Variants in CTNNA3 observed in about 807,000 individuals in gnomAD.
The protein encoded by CTNNA3 is catenin alpha-3.
Under a neutral mutation model 95.7 loss-of-function variants are expected in CTNNA3, and 76 were observed. The observed-to-expected ratio is 0.79, with a 90% confidence interval of 0.66 to 0.96. The LOEUF is 0.96. CTNNA3 is among the 40% of genes least tolerant of loss of function. The pLI, the probability that CTNNA3 is intolerant of heterozygous loss-of-function variation, is 0.00. For missense variants in CTNNA3, 1,191 were observed against 1,089.8 expected, an observed-to-expected ratio of 1.09 and a Z score of -1.31; for synonymous variants, 431 against 374.4, an observed-to-expected ratio of 1.15 and a Z score of -1.74.
chr10:66,114,708 G>A (rs747479651), intron 13 of CTNNA3, among the ~76,000 whole-genome samples: 8 of 151,322 alleles, frequency 5.3e-5, no homozygotes, highest in Admixed American at 3.3e-4. Flanking sequence ...GTGAAACCCC[G>A]TCTCTACTAA....
intron 13 of CTNNA3, among the ~76,000 whole-genome samples, chr10:66,258,335 G>A (rs116960814): frequency 2.2e-3 from 332 of 152,248 alleles, no homozygotes; most frequent in Middle Eastern, 0.01. Flanking sequence ...CCTCTCTAGC[G>A]CTCCTGAAGA....
chr10:66,219,545 C>T (rs1439726912), intron 13 of CTNNA3, among the ~76,000 whole-genome samples: 1 of 152,098 alleles, frequency 6.6e-6, no homozygotes, highest in Non-Finnish European at 1.5e-5. Context: ...AAGTAGCCCA[C>T]ATGGTGAAAA....
intron 11 of CTNNA3, among the ~76,000 whole-genome samples, chr10:66,499,031 A>G (rs538410624): frequency 6.6e-6 from 1 of 152,294 alleles, no homozygotes; most frequent in African/African-American, 2.4e-5. Flanking sequence ...AAGCACTGCA[A>G]TGAAGTAAAA....
chr10:67,239,058 G>A (rs1175014601), intron 5 of CTNNA3, among the ~76,000 whole-genome samples: 1 of 152,132 alleles, frequency 6.6e-6, no homozygotes, highest in African/African-American at 2.4e-5. Context: ...ATAAATTTAT[G>A]CATGGCAATG....
intron 7 of CTNNA3, among the ~76,000 whole-genome samples, chr10:67,069,436 T>C (rs1466938490): frequency 6.6e-6 from 1 of 152,102 alleles, no homozygotes; most frequent in Non-Finnish European, 1.5e-5. Context: ...GTTTTTGAAG[T>C]ATAAGATTTT....
At chr10:67,678,188 A>G (rs1255273863) in intron 1 of CTNNA3, among the ~76,000 whole-genome samples, 1 of 152,184 alleles carries the variant, frequency 6.6e-6, no homozygotes, top group Non-Finnish European at 1.5e-5. Context: ...GATGTAAGGG[A>G]AAATTATCAC....
chr10:66,690,022 CA>C, intron 9 of CTNNA3, among the ~76,000 whole-genome samples: 1 of 151,980 alleles, frequency 6.6e-6, no homozygotes, highest in Non-Finnish European at 1.5e-5. Context: ...CTGCAGAGAA[CA>C]AAAGGACAAA....
At chr10:67,348,129 A>G (rs1186036902) in intron 5 of CTNNA3, among the ~76,000 whole-genome samples, 3 of 152,178 alleles carry the variant, frequency 2.0e-5, no homozygotes, top group African/African-American at 2.4e-5. Context: ...GAACCCTTAC[A>G]CCATACATAA....
intron 16 of CTNNA3, among the ~76,000 whole-genome samples, chr10:65,971,794 C>T (rs1323790298): frequency 6.6e-6 from 1 of 152,002 alleles, no homozygotes; most frequent in East Asian, 1.9e-4. Flanking sequence ...GGAGAGACTC[C>T]TCTTTAGCTC....
At chr10:67,695,303 T>C (rs1840942180) in intron 1 of CTNNA3, among the ~76,000 whole-genome samples, 1 of 152,210 alleles carries the variant, frequency 6.6e-6, no homozygotes. Flanking sequence ...TCTTCTTGTT[T>C]CCATTTGAAC....
In CTNNA3 at chr10:66,080,694, G is replaced by A. The variant is rs539675059; in HGVS notation, c.1978-11205C>T. Among the ~76,000 whole-genome samples, 85 of 152,238 alleles carry A rather than the reference G, an allele frequency of 5.6e-4. 1 individual carries two copies. In the Middle Eastern group the frequency reaches 0.02, roughly 37 times the overall value. ...ATTCAATACTGCTGCAATGGAGGCA[G>A]AGATGGAACTCAACTCTGCTGAAGC... On this transcript the variant is annotated intron_variant, in intron 14 of 17. Transcript: ENST00000433211.
At chr10:66,977,032 G>A (rs1015842694) in intron 7 of CTNNA3, among the ~76,000 whole-genome samples, 23 of 152,136 alleles carry the variant, frequency 1.5e-4, no homozygotes, top group African/African-American at 5.6e-4. Context: ...AGGAGAATTA[G>A]CCAATGGTTG....
intron 13 of CTNNA3, among the ~76,000 whole-genome samples, chr10:66,227,378 T>TTG (rs74799244): frequency 0.2 from 28,975 of 145,754 alleles, 3,069 homozygotes; most frequent in South Asian, 0.29. Context: ...AAGAGGTGTT[T>TTG]TTTTTTTTTT....
intron 1 of CTNNA3, among the ~76,000 whole-genome samples, chr10:67,691,922 G>A (rs1482727924): frequency 7.8e-5 from 11 of 141,176 alleles, no homozygotes; most frequent in East Asian, 2.1e-4. Flanking sequence ...CAGCCACCCC[G>A]TCCGGGAGGG....
chr10:67,131,683 C>T, intron 7 of CTNNA3, among the ~76,000 whole-genome samples: 1 of 152,022 alleles, frequency 6.6e-6, no homozygotes, highest in Non-Finnish European at 1.5e-5. Flanking sequence ...CAGAGCTGGG[C>T]ATATAAGAGG....
chr10:67,216,338 T>C (rs1240489853), intron 6 of CTNNA3, among the ~76,000 whole-genome samples: 1 of 152,192 alleles, frequency 6.6e-6, no homozygotes, highest in Non-Finnish European at 1.5e-5. Flanking sequence ...TTCTGAGCAG[T>C]GTATCACTTA....
chr10:66,829,929 G>T (rs1411929602), intron 7 of CTNNA3, among the ~76,000 whole-genome samples: 1 of 151,740 alleles, frequency 6.6e-6, no homozygotes, highest in Non-Finnish European at 1.5e-5. Flanking sequence ...GCAGTGGTGC[G>T]ATCTCGGCTC....
At chr10:66,432,374 A>G (rs1301934173) in intron 11 of CTNNA3, among the ~76,000 whole-genome samples, 1 of 152,160 alleles carries the variant, frequency 6.6e-6, no homozygotes, top group African/African-American at 2.4e-5. Context: ...AAGTTCTGGG[A>G]TACGCCAGGT....
chr10:66,212,856 T>G (rs919428554), intron 13 of CTNNA3, among the ~76,000 whole-genome samples: 2 of 151,956 alleles, frequency 1.3e-5, no homozygotes, highest in Non-Finnish European at 1.5e-5. Context: ...CTACAAAAAT[T>G]AGTAGTTTTA....
Sources: gnomAD v4.1 joint callset for allele counts (sites outside exome capture counted in the v4.1 genomes callset) on GRCh38, gnomAD v4.1.1 for gene constraint, MANE v1.5 for transcripts, NCBI Gene and HGNC (gene_info 2026-07-23, HGNC 2026-07-21) for gene names.